PHYHD1: variants seen among roughly 807,000 people sequenced by gnomAD.
PHYHD1 encodes the protein phytanoyl-CoA dioxygenase domain-containing protein 1.
A neutral mutation model predicts 43.6 loss-of-function variants in PHYHD1; 42 were observed. The ratio of observed to expected loss-of-function variants is 0.96; its 90% CI spans 0.75 to 1.25. The LOEUF (loss-of-function observed/expected upper bound fraction) is 1.25. PHYHD1 is among the 50% of genes most tolerant of loss of function. The probability of loss-of-function intolerance (pLI) is 0.00; values close to 1 mark genes in which losing one functional copy is unlikely to be tolerated. For synonymous variants in PHYHD1, 139 were observed against 143.6 expected (o/e 0.97, Z 0.23); for missense variants, 342 against 370.8 (o/e 0.92, Z 0.64).
chr9:128,923,955 T>C lies in PHYHD1; in HGVS notation c.33+1599T>C, dbSNP rs566216450. 8.5e-5 allele frequency among the ~76,000 whole-genome samples: 13 copies of C among 152,092 alleles called. No individual in the cohort carries two copies. In the East Asian group the frequency reaches 2.5e-3, roughly 29 times the overall value. On this transcript the variant is annotated intron_variant, in intron 3 of 12. Transcript: ENST00000372592. ...CAACATGGCGGAACCCTGTCTCTAC[T>C]AAAAATACAAAAATTTAGCTGGGCG...
At chr9:128,936,153 C>T (rs575399948) in intron 6 of PHYHD1, among the ~76,000 whole-genome samples, 1 of 151,832 alleles carries the variant, frequency 6.6e-6, no homozygotes, top group South Asian at 2.1e-4. Context: ...ATGGTGGTAC[C>T]GAGATTGCTC....
At chr9:128,933,885 G>A in intron 5 of PHYHD1, 28 bp downstream of exon 5, 2 of 1,610,968 alleles carry the variant, frequency 1.2e-6, no homozygotes, top group Non-Finnish European at 1.7e-6. Flanking sequence ...TAGAGCTGGG[G>A]AGGAGCCATG....
At chr9:128,935,823 A>G (rs1453388712) in intron 6 of PHYHD1, among the ~76,000 whole-genome samples, 2 of 151,002 alleles carry the variant, frequency 1.3e-5, no homozygotes, top group African/African-American at 2.4e-5. Flanking sequence ...AATCGCTTGA[A>G]CTAGGGAGGT....
chr9:128,925,630 T>A (rs1841113861), intron 3 of PHYHD1, among the ~76,000 whole-genome samples: 2 of 152,040 alleles, frequency 1.3e-5, no homozygotes, highest in African/African-American at 4.8e-5. Context: ...AGCCTCAGAA[T>A]AAGAGGACCA....
intron 2 of PHYHD1, 82 bp from the exon 3 acceptor site, chr9:128,922,201 G>C: frequency 8.6e-7 from 1 of 1,163,646 alleles, no homozygotes; most frequent in Non-Finnish European, 1.2e-6. Context: ...AGGGAAGGAG[G>C]GTTGGGTGGT....
At chr9:128,925,541 T>C (rs1841112297) in intron 3 of PHYHD1, among the ~76,000 whole-genome samples, 1 of 152,118 alleles carries the variant, frequency 6.6e-6, no homozygotes, top group Non-Finnish European at 1.5e-5. Context: ...TGACTTTCAG[T>C]GTCCCTGTTG....
At chr9:128,940,116 C>A (rs1364572612) in intron 9 of PHYHD1, among the ~76,000 whole-genome samples, 1 of 152,192 alleles carries the variant, frequency 6.6e-6, no homozygotes, top group Non-Finnish European at 1.5e-5. Context: ...TTTCATACAT[C>A]ATCTCATAGA....
chr9:128,922,289 G>A lies in PHYHD1; in HGVS notation c.-35G>A, dbSNP rs1020247356. 157 of 1,550,180 alleles carry A rather than the reference G, an allele frequency of 1.0e-4. No homozygotes were observed. Among genetic ancestry groups the A allele is most frequent in the Non-Finnish European group, 1.3e-4 (144 of 1,146,770 alleles). ...ACTTTCTCCTCCCCACCAGGAGGCC[G>A]CGCTTAGAAGCCGCCCAGTGCCCTG... On this transcript the variant is annotated 5_prime_UTR_variant, in exon 3 of 13. Coordinates refer to ENST00000372592, the MANE Select transcript of PHYHD1 (RefSeq NM_001100876.2).
intron 11 of PHYHD1, 40 bp downstream of exon 11, chr9:128,940,755 C>A: frequency 1.9e-6 from 3 of 1,597,358 alleles, no homozygotes; most frequent in South Asian, 1.1e-5. Flanking sequence ...GGGGCTGAGT[C>A]CATCAGTCTG....
At position 128,921,944 on chromosome 9, in the gene PHYHD1, A is replaced by G. The variant is rs1034745434; in HGVS notation, c.-145A>G. 1.5e-5 allele frequency: 4 copies of G among 270,696 alleles called. No individual in the cohort carries two copies. The highest frequency in any genetic ancestry group is 2.8e-5 in the Non-Finnish European group (4 of 141,926). 16.8% of individuals were successfully genotyped at this position (270,696 alleles called of 1,614,324 possible). On this transcript the variant is annotated 5_prime_UTR_variant, in exon 2 of 13. Coordinates refer to ENST00000372592, the MANE Select transcript of PHYHD1 (RefSeq NM_001100876.2). ...ATTCTATCCAGATTGAGGCCTAGAG[A>G]GAGGCAGGCGTTCCTCAGAGTCACA...
At position 128,931,686 on chromosome 9, in the gene PHYHD1, G is replaced by A. The variant is rs1258933733; in HGVS notation, c.193-2096G>A. Among the ~76,000 whole-genome samples the A allele has an allele frequency of 4.6e-5, 7 of 151,990 alleles. 1 individual carries two copies. Among genetic ancestry groups the A allele is most frequent in the Middle Eastern group, 6.8e-3 (2 of 294 alleles). On this transcript the variant is annotated intron_variant, in intron 4 of 12. Transcript: ENST00000372592. ...ACTACAGGCGCCCGCCACCACACCCGGCTAATTTTTTGTATTTTGTTTAGT... is the reference window on the plus strand; with the variant it reads ...ACTACAGGCGCCCGCCACCACACCCAGCTAATTTTTTGTATTTTGTTTAGT...
At chr9:128,930,940 C>A (rs1178680607) in intron 4 of PHYHD1, among the ~76,000 whole-genome samples, 1 of 145,428 alleles carries the variant, frequency 6.9e-6, no homozygotes, top group Admixed American at 6.9e-5. Flanking sequence ...CAGAGCGAGA[C>A]TCTGTCTCAA....
intron 6 of PHYHD1, 35 bp downstream of exon 6, chr9:128,934,093 C>T (rs532174602): frequency 1.6e-5 from 26 of 1,600,956 alleles, no homozygotes; most frequent in East Asian, 8.9e-5. Context: ...GAAAGAAGAT[C>T]GGGGAACAGG....
rs1162685280 is a variant in PHYHD1 at position 128,941,477 on chromosome 9, C to T, written c.736C>T (p.His246Tyr). The T allele has an allele frequency of 6.2e-7, 1 of 1,613,910 alleles. No individual in the cohort carries two copies. Among genetic ancestry groups the T allele is most frequent in the Admixed American group, 1.7e-5 (1 of 60,000 alleles). The change falls in exon 12 of 13, where the codon CAC becomes TAC. Residue 246 changes from histidine to tyrosine, a missense_variant. Coordinates refer to ENST00000372592, the MANE Select transcript of PHYHD1 (RefSeq NM_001100876.2). ...ALVLIHGEVV[H>Y]KSKQNLSDRS... ...GGTCCTCATCCATGGAGAAGTGGTACACAAGAGCAAGCAGAACCTCTCTGA... is the reference window on the plus strand; with the variant it reads ...GGTCCTCATCCATGGAGAAGTGGTATACAAGAGCAAGCAGAACCTCTCTGA...
At chr9:128,927,316 T>TA in intron 4 of PHYHD1, 120 bp downstream of exon 4, 1 of 1,207,038 alleles carries the variant, frequency 8.3e-7, no homozygotes, top group Non-Finnish European at 1.2e-6. Context: ...CCAAGCCCCT[T>TA]ACACACCTTT....
chr9:128,922,376 G>A lies in PHYHD1; in HGVS notation c.33+20G>A, dbSNP rs995532046. 2 of 1,547,752 alleles carry A rather than the reference G, an allele frequency of 1.3e-6. No individual in the cohort carries two copies. Among genetic ancestry groups the A allele is most frequent in the African/African-American group, 1.4e-5 (1 of 72,954 alleles). ...CAGAAGGTAGGAGCCTGCAAGTCGGGGCCGGGAGGGTCATGGCGGGGGGGT... is the reference window on the plus strand; with the variant it reads ...CAGAAGGTAGGAGCCTGCAAGTCGGAGCCGGGAGGGTCATGGCGGGGGGGT... On this transcript the variant is annotated intron_variant, in intron 3 of 12. Coordinates refer to ENST00000372592, the MANE Select transcript of PHYHD1 (RefSeq NM_001100876.2).
chr9:128,922,902 G>A (rs1841037264), intron 3 of PHYHD1, among the ~76,000 whole-genome samples: 1 of 151,140 alleles, frequency 6.6e-6, no homozygotes, highest in Non-Finnish European at 1.5e-5. Context: ...AGGAGACGGG[G>A]TCTTGCCACA....
At chr9:128,922,650 T>TG (rs886702930) in intron 3 of PHYHD1, among the ~76,000 whole-genome samples, 2 of 152,038 alleles carry the variant, frequency 1.3e-5, no homozygotes, top group East Asian at 1.9e-4. Flanking sequence ...GCAACGCTGT[T>TG]GGGGGGCGCA....
At chr9:128,928,256 C>T (rs538666762) in intron 4 of PHYHD1, among the ~76,000 whole-genome samples, 1 of 152,272 alleles carries the variant, frequency 6.6e-6, no homozygotes, top group Non-Finnish European at 1.5e-5. Context: ...GCCTTCCATT[C>T]GGGGGGATAC....
Sources: allele counts gnomAD v4.1 joint callset (sites outside exome capture counted in the v4.1 genomes callset), GRCh38; gene constraint gnomAD v4.1.1; transcripts MANE v1.5; gene names NCBI Gene and HGNC (gene_info 2026-07-23, HGNC 2026-07-21).